Variants in SH3KBP1 observed in about 807,000 individuals in gnomAD.
SH3KBP1 encodes the protein SH3 domain-containing kinase-binding protein 1.
A neutral mutation model predicts 50.1 loss-of-function variants in SH3KBP1; 8 were observed. The observed-to-expected ratio is 0.16, with a 90% CI of 0.09 to 0.29. The LOEUF is 0.29. Among genes scored for constraint, SH3KBP1 ranks in the 10% least tolerant of loss-of-function variants. The pLI is 1.00. For synonymous variants in SH3KBP1, 227 were observed against 218.6 expected (o/e 1.04, Z -0.34); for missense variants, 377 against 535.2 (o/e 0.70, Z 2.92).
chrX:19,636,649 C>A (rs1228045894), intron 7 of SH3KBP1, among the ~76,000 whole-genome samples: 1 of 111,825 alleles, frequency 8.9e-6, no homozygotes, highest in Admixed American at 9.5e-5. Context: ...TGACTGCCTG[C>A]AGCTAGTTTT....
At position 19,715,754 on chromosome X, in the gene SH3KBP1, A is replaced by C. The variant is rs181285118; in HGVS notation, c.287-8770T>G. Among the ~76,000 whole-genome samples, 17 of 112,769 alleles carry C rather than the reference A, an allele frequency of 1.5e-4. No homozygotes were observed. The East Asian group carries it at 2.8e-3, about 18-fold the overall frequency. ...AATATCTGACAATAGTATTTAATAC[A>C]TAGCACAGGTGAATGCTGCTGTGCT... On this transcript the variant is annotated intron_variant, in intron 3 of 17. Coordinates refer to ENST00000397821, the MANE Select transcript of SH3KBP1 (RefSeq NM_031892.3).
At chrX:19,706,655 C>A (rs1233811427) in intron 4 of SH3KBP1, among the ~76,000 whole-genome samples, 1 of 110,782 alleles carries the variant, frequency 9.0e-6, no homozygotes, top group Non-Finnish European at 1.9e-5. Flanking sequence ...ATTTAGTAAG[C>A]TGTGTTAGAG....
At chrX:19,682,919 A>G (rs2063089791) in intron 6 of SH3KBP1, among the ~76,000 whole-genome samples, 1 of 109,591 alleles carries the variant, frequency 9.1e-6, no homozygotes, top group African/African-American at 3.3e-5. Context: ...AGAAAGAAAA[A>G]AAAACAACAA....
intron 2 of SH3KBP1, chrX:19,799,591 T>C (rs939907316): frequency 2.6e-6 from 3 of 1,168,762 alleles, no homozygotes; most frequent in East Asian, 3.0e-5. Context: ...CTACAAAAGA[T>C]GCAGACATCG....
At chrX:19,559,586 C>T (rs2065608426) in intron 13 of SH3KBP1, among the ~76,000 whole-genome samples, 1 of 110,546 alleles carries the variant, frequency 9.0e-6, no homozygotes, top group Non-Finnish European at 1.9e-5. Flanking sequence ...GCCTCGGCCT[C>T]CCAAAATGCT....
intron 7 of SH3KBP1, among the ~76,000 whole-genome samples, chrX:19,643,307 ATTTTTTTTTTTTTTAT>A (rs2061910252): frequency 1.3e-5 from 1 of 74,583 alleles, no homozygotes; most frequent in African/African-American, 6.8e-5. Context: ...AGAATTTTTT[ATTTTTTTTTTTTTTAT>A]TTTTTTTTTT....
chrX:19,590,927 A>C (rs958126646), intron 11 of SH3KBP1, among the ~76,000 whole-genome samples: 19 of 98,632 alleles, frequency 1.9e-4, no homozygotes, highest in African/African-American at 7.3e-4. Context: ...CTCCCAAAGT[A>C]CTGGGATTAC....
At chrX:19,746,238 A>G in intron 3 of SH3KBP1, 80 bp downstream of exon 3, 2 of 1,105,834 alleles carry the variant, frequency 1.8e-6, no homozygotes, top group South Asian at 2.0e-5. Context: ...TTTCAGCAAT[A>G]TAAAGTTTGA....
At chrX:19,643,327 T>TA (rs1569373510) in intron 7 of SH3KBP1, among the ~76,000 whole-genome samples, 1 of 90,766 alleles carries the variant, frequency 1.1e-5, no homozygotes, top group Non-Finnish European at 2.1e-5. Context: ...TTTTTATTTT[T>TA]TTTTTTTTTT....
intron 2 of SH3KBP1, among the ~76,000 whole-genome samples, chrX:19,770,219 G>T (rs886953700): frequency 9.0e-6 from 1 of 110,713 alleles, no homozygotes; most frequent in Non-Finnish European, 1.9e-5. Flanking sequence ...CCTTAAGTAG[G>T]CCCCCATGTC....
chrX:19,553,936 A>T, intron 13 of SH3KBP1, among the ~76,000 whole-genome samples: 1 of 69,852 alleles, frequency 1.4e-5, no homozygotes, highest in East Asian at 3.8e-4. Flanking sequence ...AAAATATATA[A>T]TATATAATAT....
intron 6 of SH3KBP1, among the ~76,000 whole-genome samples, chrX:19,674,277 T>TA (rs1300893557): frequency 9.6e-4 from 105 of 109,852 alleles, no homozygotes; most frequent in African/African-American, 3.0e-3. Flanking sequence ...CCTGTCAGGT[T>TA]AAAAAAAAAC....
At chrX:19,729,058 T>C (rs763846533) in intron 3 of SH3KBP1, among the ~76,000 whole-genome samples, 3 of 112,445 alleles carry the variant, frequency 2.7e-5, no homozygotes, top group Non-Finnish European at 5.6e-5. Flanking sequence ...CATGGGGAGA[T>C]AAAGGCACAG....
chrX:19,824,249 G>C (rs1212986052), intron 2 of SH3KBP1, among the ~76,000 whole-genome samples: 1 of 111,983 alleles, frequency 8.9e-6, no homozygotes, highest in Admixed American at 9.5e-5. Flanking sequence ...CACTAATATA[G>C]CTATTAATAC....
intron 8 of SH3KBP1, among the ~76,000 whole-genome samples, chrX:19,621,073 C>CTTTTTT (rs1186690221): frequency 3.1e-5 from 1 of 32,666 alleles, no homozygotes; most frequent in African/African-American, 1.1e-4. Context: ...TCTTTTCTTT[C>CTTTTTT]TTTTTTTTTT....
At chrX:19,818,919 G>A (rs932649892) in intron 2 of SH3KBP1, among the ~76,000 whole-genome samples, 32 of 111,639 alleles carry the variant, frequency 2.9e-4, no homozygotes, top group African/African-American at 1.0e-3. Flanking sequence ...AGGTAATACT[G>A]GCCTCATAAA....
chrX:19,547,133 C>A (rs2065108047), intron 14 of SH3KBP1, among the ~76,000 whole-genome samples: 1 of 100,095 alleles, frequency 1.0e-5, no homozygotes, highest in Non-Finnish European at 2.0e-5. Flanking sequence ...CCAGCCTGGA[C>A]AAAAGAGTGG....
intron 2 of SH3KBP1, among the ~76,000 whole-genome samples, chrX:19,804,934 A>G (rs1180335135): frequency 1.1e-5 from 1 of 90,765 alleles, no homozygotes; most frequent in African/African-American, 4.3e-5. Flanking sequence ...ACAAGATCCT[A>G]GGAAGAAGGG....
At chrX:19,755,517 C>G (rs2065186542) in intron 2 of SH3KBP1, among the ~76,000 whole-genome samples, 1 of 111,571 alleles carries the variant, frequency 9.0e-6, no homozygotes, top group South Asian at 3.8e-4. Flanking sequence ...TACAAAGTAT[C>G]AGCAAAAGAT....
Sources: gnomAD v4.1 joint callset for allele counts (sites outside exome capture counted in the v4.1 genomes callset) on GRCh38, gnomAD v4.1.1 for gene constraint, MANE v1.5 for transcripts, NCBI Gene and HGNC (gene_info 2026-07-23, HGNC 2026-07-21) for gene names.